CDKAL1: variants seen among roughly 807,000 people sequenced by gnomAD.
CDKAL1 encodes the protein CDKAL1 threonylcarbamoyladenosine tRNA methylthiotransferase.
Under a neutral mutation model 68.2 loss-of-function variants are expected in CDKAL1, and 32 were observed. That is an observed-to-expected ratio of 0.47 (90% confidence interval 0.35 to 0.63). The LOEUF (loss-of-function observed/expected upper bound fraction) is 0.63. Among genes scored for constraint, CDKAL1 ranks in the 30% least tolerant of loss-of-function variants. The pLI, the probability that CDKAL1 is intolerant of heterozygous loss-of-function variation, is 0.00. For synonymous variants in CDKAL1, 234 were observed against 244.3 expected (o/e 0.96, Z 0.39); for missense variants, 606 against 696.7 (o/e 0.87, Z 1.47).
At chr6:20,871,297 A>G (rs569826110) in intron 9 of CDKAL1, among the ~76,000 whole-genome samples, 2 of 152,324 alleles carry the variant, frequency 1.3e-5, no homozygotes, top group East Asian at 1.9e-4. Flanking sequence ...AATAATTACC[A>G]TAATTTCAAA....
At chr6:20,983,708 G>T (rs752695805) in intron 10 of CDKAL1, among the ~76,000 whole-genome samples, 1 of 152,136 alleles carries the variant, frequency 6.6e-6, no homozygotes, top group Non-Finnish European at 1.5e-5. Flanking sequence ...GCAACAGAGC[G>T]AGATGCCGTC....
intron 4 of CDKAL1, among the ~76,000 whole-genome samples, chr6:20,612,924 A>C (rs1766684455): frequency 2.0e-5 from 3 of 151,710 alleles, no homozygotes; most frequent in African/African-American, 7.3e-5. Context: ...AGTAAGTAAT[A>C]AGACTCCATC....
intron 15 of CDKAL1, among the ~76,000 whole-genome samples, chr6:21,219,618 C>G (rs775624784): frequency 4.6e-5 from 7 of 152,158 alleles, no homozygotes; most frequent in Non-Finnish European, 1.0e-4. Flanking sequence ...AGAAAAGCAC[C>G]TGCCGTCTCC....
At chr6:21,148,922 A>G (rs1397343009) in intron 13 of CDKAL1, among the ~76,000 whole-genome samples, 1 of 152,210 alleles carries the variant, frequency 6.6e-6, no homozygotes, top group African/African-American at 2.4e-5. Flanking sequence ...CTGAATTTTT[A>G]GTTAAAAGTC....
At chr6:21,057,707 C>T (rs2150921729) in intron 11 of CDKAL1, among the ~76,000 whole-genome samples, 1 of 152,224 alleles carries the variant, frequency 6.6e-6, no homozygotes, top group East Asian at 1.9e-4. Flanking sequence ...TTCTGGCATG[C>T]TGTCTCTTTA....
At position 20,595,410 on chromosome 6, in the gene CDKAL1, G is replaced by C. The variant is rs796533626; in HGVS notation, c.286+46705G>C. Among the ~76,000 whole-genome samples, 119 of 151,922 alleles carry C rather than the reference G, an allele frequency of 7.8e-4. 1 individual carries two copies. Among genetic ancestry groups the C allele is most frequent in the African/African-American group, 2.8e-3 (114 of 41,448 alleles). ...CTCTAATAATGGGTTATTTCATTAA[G>C]TTGATCTTTAGTCTCTTTAGTCTCT... On this transcript the variant is annotated intron_variant, in intron 4 of 15. Transcript: ENST00000274695.
At chr6:20,922,052 A>T (rs565675453) in intron 9 of CDKAL1, among the ~76,000 whole-genome samples, 14 of 152,218 alleles carry the variant, frequency 9.2e-5, no homozygotes, top group Non-Finnish European at 1.9e-4. Flanking sequence ...AATGATTTGA[A>T]TAAAGTGTAG....
chr6:20,555,995 A>C (rs912016284), intron 4 of CDKAL1, among the ~76,000 whole-genome samples: 2 of 152,060 alleles, frequency 1.3e-5, no homozygotes, highest in East Asian at 1.9e-4. Context: ...AGAAGGGGGT[A>C]TATATCCCAC....
intron 9 of CDKAL1, among the ~76,000 whole-genome samples, chr6:20,889,388 T>G (rs1426224270): frequency 1.3e-5 from 2 of 152,212 alleles, no homozygotes; most frequent in African/African-American, 4.8e-5. Context: ...AGGTCCCATT[T>G]GTCAATTTTG....
Position 20,609,401 on chromosome 6 carries a change from C to CTTCT in CDKAL1, c.287-39890_287-39889insCTTT, listed in dbSNP as rs1554162718. On this transcript the variant is annotated intron_variant, in intron 4 of 15. Coordinates refer to ENST00000274695, the MANE Select transcript of CDKAL1 (RefSeq NM_017774.3). ...TCTTCTTCTTCTTCTTCTTCTTCTTCTTTTTTTTTTTTGAGATGGAATCTC... is the reference window on the plus strand; with the variant it reads ...TCTTCTTCTTCTTCTTCTTCTTCTTCTTCTTTTTTTTTTTTTGAGATGGAATCTC... Among the ~76,000 whole-genome samples, 439 of 49,770 alleles carry CTTCT rather than the reference C, an allele frequency of 8.8e-3. 1 individual carries two copies. Among genetic ancestry groups the CTTCT allele is most frequent in the Non-Finnish European group, 0.014 (340 of 25,012 alleles). 32.7% of individuals were successfully genotyped at this position (49,770 alleles called of 152,430 possible).
chr6:20,827,607 T>C (rs773514570), intron 8 of CDKAL1, among the ~76,000 whole-genome samples: 2 of 151,156 alleles, frequency 1.3e-5, no homozygotes, highest in Non-Finnish European at 3.0e-5. Flanking sequence ...GTTTTAGACA[T>C]AAAAAAAAAG....
chr6:20,718,986 C>A (rs978466822), intron 5 of CDKAL1, among the ~76,000 whole-genome samples: 1 of 152,112 alleles, frequency 6.6e-6, no homozygotes, highest in African/African-American at 2.4e-5. Flanking sequence ...TCTTTTTAAA[C>A]CATTTTCATG....
At chr6:20,825,779 C>T (rs917490128) in intron 8 of CDKAL1, among the ~76,000 whole-genome samples, 18 of 151,966 alleles carry the variant, frequency 1.2e-4, no homozygotes, top group Admixed American at 5.2e-4. Context: ...GATATTAACC[C>T]GTTGATTATT....
At chr6:20,928,360 A>G (rs1041280165) in intron 9 of CDKAL1, among the ~76,000 whole-genome samples, 4 of 152,242 alleles carry the variant, frequency 2.6e-5, no homozygotes, top group Non-Finnish European at 5.9e-5. Flanking sequence ...ATGTTTTATT[A>G]TGTGCAGTGA....
At chr6:21,208,366 T>C (rs1221589546) in intron 15 of CDKAL1, among the ~76,000 whole-genome samples, 1 of 152,216 alleles carries the variant, frequency 6.6e-6, no homozygotes, top group Non-Finnish European at 1.5e-5. Context: ...TTCCTCTCCA[T>C]CTGACATTCA....
rs544407693 is a variant in CDKAL1 at position 20,775,169 on chromosome 6, CA to C, written c.518-5975del. Among the ~76,000 whole-genome samples the C allele has an allele frequency of 3.1e-3, 474 of 152,132 alleles. 4 individuals carry two copies. Among genetic ancestry groups the C allele is most frequent in the Admixed American group, 3.7e-3 (56 of 15,282 alleles). On this transcript the variant is annotated intron_variant, in intron 7 of 15. Transcript: ENST00000274695. The stretch of plus-strand genomic sequence containing the variant: ...TTTAGTCACTTTACATATTTATCAC[CA>C]TCTCCTCGGTGGCCTCATGTCATTA...
At chr6:20,763,560 T>A (rs1774562677) in intron 7 of CDKAL1, among the ~76,000 whole-genome samples, 1 of 152,216 alleles carries the variant, frequency 6.6e-6, no homozygotes, top group African/African-American at 2.4e-5. Context: ...AGGATTTTGC[T>A]ATAACCCTCT....
At chr6:20,571,032 C>T (rs1279761433) in intron 4 of CDKAL1, among the ~76,000 whole-genome samples, 1 of 152,140 alleles carries the variant, frequency 6.6e-6, no homozygotes, top group Non-Finnish European at 1.5e-5. Context: ...TTAGCACCCT[C>T]ACTGGGGAGG....
chr6:20,623,525 C>A (rs1256250192), intron 4 of CDKAL1, among the ~76,000 whole-genome samples: 3 of 151,984 alleles, frequency 2.0e-5, no homozygotes, highest in Non-Finnish European at 4.4e-5. Flanking sequence ...ATGTTATGTT[C>A]AAATCTTGTT....
Sources: allele counts gnomAD v4.1 joint callset (sites outside exome capture counted in the v4.1 genomes callset), GRCh38; gene constraint gnomAD v4.1.1; transcripts MANE v1.5; gene names NCBI Gene and HGNC (gene_info 2026-07-23, HGNC 2026-07-21).